RPS6KA6: variants seen among roughly 807,000 people sequenced by gnomAD.
RPS6KA6 encodes the protein ribosomal protein S6 kinase alpha-6.
RPS6KA6 carries 27 observed loss-of-function variants against 65.4 expected under a neutral mutation model. The ratio of observed to expected loss-of-function variants is 0.41; its 90% CI spans 0.30 to 0.57. RPS6KA6 has a LOEUF of 0.57. RPS6KA6 is among the 20% of genes least tolerant of loss of function. The probability of loss-of-function intolerance (pLI) is 0.24; values close to 1 mark genes in which losing one functional copy is unlikely to be tolerated. For missense variants in RPS6KA6, 486 were observed against 555.6 expected (o/e 0.87, Z 1.26); for synonymous variants, 190 against 184.2 (o/e 1.03, Z -0.26).
At chrX:84,100,895 A>T (rs1040329171) in intron 18 of RPS6KA6, among the ~76,000 whole-genome samples, 2 of 110,924 alleles carry the variant, frequency 1.8e-5, no homozygotes, top group African/African-American at 3.3e-5. Flanking sequence ...CCTGTTCTTC[A>T]ATATCAGTAT....
intron 1 of RPS6KA6, among the ~76,000 whole-genome samples, chrX:84,187,129 G>C (rs909295728): frequency 1.8e-5 from 2 of 111,623 alleles, no homozygotes; most frequent in Admixed American, 9.5e-5. Context: ...GACCAACGGG[G>C]CAGGGACAGC....
chrX:84,130,087 T>G (rs1602438718), intron 8 of RPS6KA6, among the ~76,000 whole-genome samples: 1 of 111,542 alleles, frequency 9.0e-6, no homozygotes, highest in East Asian at 2.8e-4. Flanking sequence ...TGCATGCCTG[T>G]ATCAAAATAT....
chrX:84,101,225 C>T (rs2034253645), intron 18 of RPS6KA6, among the ~76,000 whole-genome samples: 1 of 111,051 alleles, frequency 9.0e-6, no homozygotes, highest in Non-Finnish European at 1.9e-5. Context: ...ATAAGAACAG[C>T]TACTGACTTG....
intron 12 of RPS6KA6, among the ~76,000 whole-genome samples, chrX:84,110,040 T>C (rs1309483681): frequency 9.0e-6 from 1 of 111,246 alleles, no homozygotes; most frequent in Non-Finnish European, 1.9e-5. Flanking sequence ...CATTACCCAT[T>C]GGCAAACAGG....
chrX:84,089,920 A>G (rs1427743823), intron 20 of RPS6KA6, among the ~76,000 whole-genome samples: 1 of 112,259 alleles, frequency 8.9e-6, no homozygotes, highest in Non-Finnish European at 1.9e-5. Context: ...CAATGTACTC[A>G]GGTTTCTTAT....
chrX:84,116,483 T>C (rs1047170221), intron 11 of RPS6KA6, among the ~76,000 whole-genome samples, 196 bp from the exon 12 acceptor site: 6 of 111,489 alleles, frequency 5.4e-5, no homozygotes, highest in Admixed American at 1.9e-4. Context: ...AACATTCATA[T>C]TGAACTACAA....
At chrX:84,184,411 C>T (rs888947263) in intron 1 of RPS6KA6, among the ~76,000 whole-genome samples, 1 of 112,281 alleles carries the variant, frequency 8.9e-6, no homozygotes, top group Non-Finnish European at 1.9e-5. Flanking sequence ...AAGTGCAAAA[C>T]ATCTTGCTAA....
intron 20 of RPS6KA6, among the ~76,000 whole-genome samples, chrX:84,080,867 C>T (rs2033782041): frequency 9.0e-6 from 1 of 111,285 alleles, no homozygotes; most frequent in Admixed American, 9.6e-5. Flanking sequence ...AAACGTGCTC[C>T]CGAATGGCTA....
At chrX:84,113,138 G>C (rs73515446) in intron 12 of RPS6KA6, among the ~76,000 whole-genome samples, 4,131 of 111,024 alleles carry the variant, frequency 0.037, 192 homozygotes, top group African/African-American at 0.13. Context: ...AACACAAACA[G>C]ACCAAAGGAA....
At chrX:84,089,951 G>A (rs1222591034) in intron 20 of RPS6KA6, among the ~76,000 whole-genome samples, 1 of 112,111 alleles carries the variant, frequency 8.9e-6, no homozygotes, top group African/African-American at 3.2e-5. Flanking sequence ...CATTTTAAAT[G>A]GATAAAAGCC....
Sources: allele counts gnomAD v4.1 joint callset (sites outside exome capture counted in the v4.1 genomes callset), GRCh38; gene constraint gnomAD v4.1.1; transcripts MANE v1.5; gene names NCBI Gene and HGNC (gene_info 2026-07-23, HGNC 2026-07-21).